Variants in PDE8B observed in about 807,000 individuals in gnomAD.
The protein encoded by PDE8B is high affinity cAMP-specific and IBMX-insensitive 3',5'-cyclic phosphodiesterase 8B.
A neutral mutation model predicts 101.3 loss-of-function variants in PDE8B; 26 were observed. The observed-to-expected ratio is 0.26, with a 90% CI of 0.19 to 0.36. The LOEUF (loss-of-function observed/expected upper bound fraction) is 0.36, where lower values mean the gene tolerates loss of function less well. Among genes scored for constraint, PDE8B ranks in the 10% least tolerant of loss-of-function variants. PDE8B has a pLI of 1.00. For synonymous variants in PDE8B, 424 were observed against 429.3 expected (o/e 0.99, Z 0.15); for missense variants, 810 against 1,163.1 (o/e 0.70, Z 4.42).
At chr5:77,336,009 T>C (rs1232594660) in intron 5 of PDE8B, among the ~76,000 whole-genome samples, 1 of 152,156 alleles carries the variant, frequency 6.6e-6, no homozygotes, top group Non-Finnish European at 1.5e-5. Context: ...CCAAATTACT[T>C]TGGGATTAAG....
intron 19 of PDE8B, among the ~76,000 whole-genome samples, chr5:77,421,417 T>C (rs60233927): frequency 6.6e-6 from 1 of 152,070 alleles, no homozygotes. Context: ...TGCATTAAAG[T>C]AGCTAAAAGC....
At chr5:77,422,053 C>T (rs1796759133) in intron 20 of PDE8B, 65 bp downstream of exon 20, 2 of 1,499,372 alleles carry the variant, frequency 1.3e-6, no homozygotes, top group Admixed American at 3.6e-5. Context: ...CATGGAACTC[C>T]TGGGGGATTC....
the PDE8B span, among the ~76,000 whole-genome samples, chr5:77,174,657 C>T: frequency 9.9e-5 from 15 of 152,170 alleles, no homozygotes; most frequent in Middle Eastern, 3.2e-3. Context: ...TTCCTCCTAT[C>T]GCATGGGCCT....
rs751727642 is a variant in PDE8B, at chr5:77,211,012, C to T, written c.87C>T (p.Thr29=). ...DSDESSSPRQ[T]TSVSQGPAAP... ...ACGAGTCCAGCTCGCCCCGCCAGACCACCAGCGTGTCGCAGGGCCCGGCGG... is the reference window on the plus strand; with the variant it reads ...ACGAGTCCAGCTCGCCCCGCCAGACTACCAGCGTGTCGCAGGGCCCGGCGG... Residue 29 remains threonine, a synonymous_variant, in exon 1 of 22, where the codon ACC becomes ACT. Transcript: ENST00000264917. This position sits in a 1 kb window ranked among gnomAD's most constrained non-coding sequence, Gnocchi z 4.1. The T allele has an allele frequency of 1.3e-6, 2 of 1,549,946 alleles. No individual in the cohort carries two copies. The highest frequency in any genetic ancestry group is 2.5e-5 in the East Asian group (1 of 39,382).
chr5:77,126,304 T>C, the PDE8B span, among the ~76,000 whole-genome samples: 15 of 151,920 alleles, frequency 9.9e-5, no homozygotes, highest in African/African-American at 3.4e-4. Context: ...AAAAAGTTAG[T>C]TACTACTGTT....
At position 77,210,766 on chromosome 5, in the gene PDE8B, G is replaced by C; in HGVS notation, c.-160G>C. On this transcript the variant is annotated 5_prime_UTR_variant, in exon 1 of 22. Coordinates refer to ENST00000264917, the MANE Select transcript of PDE8B (RefSeq NM_003719.5). This position sits in a 1 kb window ranked among gnomAD's most constrained non-coding sequence, Gnocchi z 4.9. ...CGCGCGGTCCCCGGAGGCTCGGCGG[G>C]GGGCACCGCGGCCAGCCCGACGGAG... The C allele has an allele frequency of 2.0e-6, 2 of 982,632 alleles. No homozygotes were observed. 60.9% of individuals were successfully genotyped at this position (982,632 alleles called of 1,614,324 possible).
chr5:77,159,315 G>A, the PDE8B span, among the ~76,000 whole-genome samples: 1 of 152,112 alleles, frequency 6.6e-6, no homozygotes, highest in Non-Finnish European at 1.5e-5. Flanking sequence ...TCGGTGGGCT[G>A]CGGGAGGCAG....
At chr5:77,415,414 A>G (rs1414690472) in intron 17 of PDE8B, among the ~76,000 whole-genome samples, 1 of 137,916 alleles carries the variant, frequency 7.3e-6, no homozygotes, top group Non-Finnish European at 1.5e-5. Flanking sequence ...TTGGAGTGCA[A>G]TGGCATGATC....
At chr5:77,340,687 GAGATAATGTAACCCA>G (rs1039569994) in intron 6 of PDE8B, among the ~76,000 whole-genome samples, 16 of 151,332 alleles carry the variant, frequency 1.1e-4, no homozygotes, top group Non-Finnish European at 2.1e-4. Flanking sequence ...AGGGACACAG[GAGATAATGTAACCCA>G]ACACCCTGGC....
chr5:77,309,807 A>AT (rs1772128377), intron 1 of PDE8B, among the ~76,000 whole-genome samples: 1 of 151,110 alleles, frequency 6.6e-6, no homozygotes, highest in African/African-American at 2.4e-5. Context: ...TTGAGTAGAA[A>AT]TGGGGTTTCA....
chr5:77,411,998 C>T (rs1794662040), intron 15 of PDE8B, 102 bp from the exon 16 acceptor site: 4 of 1,219,702 alleles, frequency 3.3e-6, no homozygotes, highest in Admixed American at 3.4e-5. Context: ...AAATCAGGTA[C>T]AAGACTTTTT....
intron 10 of PDE8B, among the ~76,000 whole-genome samples, chr5:77,374,010 C>T (rs1485093405): frequency 6.6e-6 from 1 of 152,052 alleles, no homozygotes; most frequent in Non-Finnish European, 1.5e-5. Flanking sequence ...GCCACCATGC[C>T]CAGCTAATTT....
chr5:77,149,262 A>G, the PDE8B span, among the ~76,000 whole-genome samples: 1 of 152,186 alleles, frequency 6.6e-6, no homozygotes, highest in African/African-American at 2.4e-5. Context: ...ATCACAGTGT[A>G]TTCATGTGGC....
chr5:77,132,877 T>C, the PDE8B span, among the ~76,000 whole-genome samples: 55 of 152,244 alleles, frequency 3.6e-4, no homozygotes, highest in Non-Finnish European at 3.4e-4. Flanking sequence ...ATTCTAGCCT[T>C]ATAATTAACT....
intron 9 of PDE8B, 145 bp downstream of exon 9, chr5:77,351,298 AC>A (rs1781081603): frequency 1.4e-6 from 1 of 722,070 alleles, no homozygotes; most frequent in African/African-American, 1.7e-5. Context: ...GGGTGCTTCC[AC>A]TCAGCCGGCA....
At chr5:77,237,431 G>T (rs1043234159) in intron 1 of PDE8B, among the ~76,000 whole-genome samples, 1 of 147,488 alleles carries the variant, frequency 6.8e-6, no homozygotes, top group African/African-American at 2.5e-5. Flanking sequence ...TTGCTCTAGG[G>T]ATTATCACAC....
In PDE8B at chr5:77,241,071, G is replaced by A. The variant is rs114313215; in HGVS notation, c.339+29807G>A. Among the ~76,000 whole-genome samples the A allele has an allele frequency of 5.4e-3, 828 of 152,310 alleles. 9 individuals are homozygous for A. Among genetic ancestry groups the A allele is most frequent in the African/African-American group, 0.019 (794 of 41,562 alleles). ...AACAGGAGTTGCAATCAACAAGGGA[G>A]ACAGCAGCCAAATGAAAAGAGTTCT... is the stretch of plus-strand genomic sequence containing the variant. On this transcript the variant is annotated intron_variant, in intron 1 of 21. Transcript: ENST00000264917.
the PDE8B span, among the ~76,000 whole-genome samples, chr5:77,092,240 A>G: frequency 6.6e-6 from 1 of 152,156 alleles, no homozygotes; most frequent in Non-Finnish European, 1.5e-5. Flanking sequence ...TTTGTGAGTC[A>G]ATGCTTAAAT....
intron 10 of PDE8B, among the ~76,000 whole-genome samples, chr5:77,360,956 T>G (rs1782991121): frequency 6.6e-6 from 1 of 152,256 alleles, no homozygotes; most frequent in Admixed American, 6.5e-5. Flanking sequence ...TGTTTAATTT[T>G]CTGGTATTTT....
Sources: allele counts gnomAD v4.1 joint callset (sites outside exome capture counted in the v4.1 genomes callset), GRCh38; gene constraint gnomAD v4.1.1; non-coding constraint Gnocchi (gnomAD v3.1); transcripts MANE v1.5; gene names NCBI Gene and HGNC (gene_info 2026-07-23, HGNC 2026-07-21).